NMT1: variants seen among roughly 807,000 people sequenced by gnomAD.
The protein encoded by NMT1 is glycylpeptide N-tetradecanoyltransferase 1.
A neutral mutation model predicts 63.4 loss-of-function variants in NMT1; 12 were observed. The ratio of observed to expected loss-of-function variants is 0.19; its 90% confidence interval spans 0.12 to 0.31. The LOEUF (loss-of-function observed/expected upper bound fraction) is 0.31. Among genes scored for constraint, NMT1 ranks in the 10% least tolerant of loss-of-function variants. The pLI is 1.00. For missense variants in NMT1, 432 were observed against 634.6 expected (o/e 0.68, Z 3.43); for synonymous variants, 228 against 234.3 (o/e 0.97, Z 0.25).
chr17:45,085,359 AG>A (rs1164421062), intron 2 of NMT1, among the ~76,000 whole-genome samples: 6 of 152,242 alleles, frequency 3.9e-5, no homozygotes, highest in Admixed American at 2.0e-4. Flanking sequence ...CCATACATAC[AG>A]TGGACTTGGT....
In NMT1 at chr17:45,101,341, T is replaced by C. The variant is rs116302781; in HGVS notation, c.994-1610T>C. 4.6e-3 allele frequency among the ~76,000 whole-genome samples: 678 copies of C among 147,664 alleles called. 5 individuals are homozygous for C. Among genetic ancestry groups the C allele is most frequent in the African/African-American group, 0.015 (619 of 40,314 alleles). On this transcript the variant is annotated intron_variant, in intron 8 of 11. Transcript: ENST00000258960. ...CCCAGTAGGGATTCTTAAAATCCCT[T>C]CTCAGGTGGGCGGTGGCTCACGCCT...
At position 45,086,512 on chromosome 17, in the gene NMT1, A is replaced by C. The variant is rs367954716; in HGVS notation, c.245A>C (p.Asn82Thr). 6.2e-7 allele frequency: 1 copy of C among 1,606,570 alleles called. No homozygotes were observed. The highest frequency in any genetic ancestry group is 2.3e-5 in the East Asian group (1 of 44,312). ...CCCCAACTTTGTCTTGTCCAGATGA[A>C]CTCTTTGCCAGCAGAGAGGATCCAG... ...DSAQDQPVKM[N>T]SLPAERIQEI... The change falls in exon 3 of 12, where the codon AAC (asparagine) becomes ACC (threonine). Residue 82 changes from asparagine to threonine, a missense_variant. Physicochemically the swap from Asn to Thr is moderately conservative, Grantham distance 65. Transcript: ENST00000258960.
At chr17:45,096,669 G>A (rs973515726) in intron 5 of NMT1, among the ~76,000 whole-genome samples, 2 of 152,176 alleles carry the variant, frequency 1.3e-5, no homozygotes, top group Non-Finnish European at 2.9e-5. Context: ...ACCTGCCCAG[G>A]CCACGTTTAA....
intron 7 of NMT1, 101 bp downstream of exon 7, chr17:45,098,653 C>A: frequency 8.9e-7 from 1 of 1,123,114 alleles, no homozygotes; most frequent in Non-Finnish European, 1.3e-6. Context: ...TAGCATCCCA[C>A]CTCTGGCGTA....
chr17:45,065,636 A>AAG (rs1219262189), intron 1 of NMT1, among the ~76,000 whole-genome samples: 2 of 151,058 alleles, frequency 1.3e-5, no homozygotes, highest in Non-Finnish European at 3.0e-5. Context: ...AAAAAAAAAA[A>AAG]AAAAAAAAGA....
chr17:45,084,598 G>A (rs1228468383), intron 2 of NMT1, among the ~76,000 whole-genome samples: 1 of 151,780 alleles, frequency 6.6e-6, no homozygotes, highest in Non-Finnish European at 1.5e-5. Context: ...CTCCCAAAGT[G>A]CTAGGATTAC....
At chr17:45,099,202 T>C (rs995456464) in intron 7 of NMT1, among the ~76,000 whole-genome samples, 1 of 151,886 alleles carries the variant, frequency 6.6e-6, no homozygotes, top group Non-Finnish European at 1.5e-5. Flanking sequence ...GCAAGAAAAA[T>C]AGGGAGAAAG....
In NMT1 at chr17:45,091,187, G is replaced by GACACACACACACACACACAC. The variant is rs3062356; in HGVS notation, c.386-2467_386-2448dup. ...ATATTTCCTCTGAGAGGTCTTTCCT[G>GACACACACACACACACACAC]ACACACACACACACACACACACACA... On this transcript the variant is annotated intron_variant, in intron 3 of 11. Transcript: ENST00000258960. Among the ~76,000 whole-genome samples, 278 of 121,042 alleles carry GACACACACACACACACACAC rather than the reference G, an allele frequency of 2.3e-3. 4 individuals carry two copies. The highest frequency in any genetic ancestry group is 5.1e-3 in the East Asian group (20 of 3,890). The allele number at this position is 121,042 out of a possible 152,430, so 79.4% of individuals were successfully genotyped here. A position where few individuals can be genotyped will look rare whatever the true frequency, so the allele number is the denominator to read the frequency against.
chr17:45,095,396 C>G (rs1459993761), intron 4 of NMT1, among the ~76,000 whole-genome samples: 2 of 152,198 alleles, frequency 1.3e-5, no homozygotes, highest in Non-Finnish European at 2.9e-5. Flanking sequence ...GCTTGAGCCA[C>G]CACACCGGGC....
intron 1 of NMT1, among the ~76,000 whole-genome samples, chr17:45,074,438 C>T (rs1038161186): frequency 6.6e-6 from 1 of 152,066 alleles, no homozygotes; most frequent in Admixed American, 6.6e-5. Context: ...CCAGGATGGT[C>T]GCGATCTCCT....
intron 8 of NMT1, 90 bp downstream of exon 8, chr17:45,099,603 G>C (rs1436791603): frequency 2.2e-6 from 2 of 911,958 alleles, no homozygotes; most frequent in East Asian, 4.9e-5. Flanking sequence ...TGGGTGGAGA[G>C]GGAGCTTTCT....
chr17:45,090,207 C>G (rs2054079235), intron 3 of NMT1, among the ~76,000 whole-genome samples: 1 of 152,090 alleles, frequency 6.6e-6, no homozygotes, highest in Non-Finnish European at 1.5e-5. Context: ...TCGTTTGAGT[C>G]CTGGAGGTCG....
At chr17:45,094,483 ACT>A in intron 4 of NMT1, among the ~76,000 whole-genome samples, 1 of 141,562 alleles carries the variant, frequency 7.1e-6, no homozygotes, top group South Asian at 2.3e-4. Flanking sequence ...ACAGTGCGAG[ACT>A]CTTTGTCTCA....
chr17:45,085,810 C>T (rs1318749023), intron 2 of NMT1, among the ~76,000 whole-genome samples: 2 of 151,004 alleles, frequency 1.3e-5, no homozygotes, highest in South Asian at 4.2e-4. Flanking sequence ...TGAATTGTAC[C>T]CTTTAACTCT....
rs1446593158 is a variant in NMT1, at chr17:45,097,256, C to T, written c.713+12C>T. On this transcript the variant is annotated intron_variant, in intron 6 of 11. Coordinates refer to ENST00000258960, the MANE Select transcript of NMT1 (RefSeq NM_021079.5). ...CATATCTATGACACGTAAGCACCTG[C>T]ACCTACCCCCACCCCCCACAACACC... is the stretch of plus-strand genomic sequence containing the variant. 8 of 1,558,754 alleles carry T rather than the reference C, an allele frequency of 5.1e-6. No individual in the cohort carries two copies. Among genetic ancestry groups the T allele is most frequent in the Middle Eastern group, 1.7e-4 (1 of 5,960 alleles).
chr17:45,074,004 T>G (rs1039296974), intron 1 of NMT1, among the ~76,000 whole-genome samples: 2 of 152,134 alleles, frequency 1.3e-5, no homozygotes, highest in African/African-American at 4.8e-5. Flanking sequence ...TCGCTGCTCC[T>G]GTTGTCTAGA....
Position 45,102,938 on chromosome 17 carries a change from G to C in NMT1, c.994-13G>C. Reference sequence around the variant, plus strand: ...CAGCTCATCTCACTCCATCTCTTCTGTCTTGCCTCCAGACTCCCAAGACAG... The same window carrying C: ...CAGCTCATCTCACTCCATCTCTTCTCTCTTGCCTCCAGACTCCCAAGACAG... On this transcript the variant is annotated splice_polypyrimidine_tract_variant and intron_variant, in intron 8 of 11. Transcript: ENST00000258960. The C allele has an allele frequency of 6.2e-7, 1 of 1,603,564 alleles. No individual in the cohort carries two copies. The highest frequency in any genetic ancestry group is 8.5e-7 in the Non-Finnish European group (1 of 1,172,046).
At chr17:45,095,402 C>T (rs970803398) in intron 4 of NMT1, among the ~76,000 whole-genome samples, 5 of 152,168 alleles carry the variant, frequency 3.3e-5, no homozygotes, top group Admixed American at 6.5e-5. Context: ...GCCACCACAC[C>T]GGGCCAACAG....
intron 8 of NMT1, among the ~76,000 whole-genome samples, chr17:45,100,898 A>G (rs967285908): frequency 5.9e-5 from 7 of 118,962 alleles, no homozygotes; most frequent in Non-Finnish European, 1.2e-4. Context: ...AAAAAAAAAG[A>G]AGGCCAGGCG....
Sources: gnomAD v4.1 joint callset for allele counts (sites outside exome capture counted in the v4.1 genomes callset) on GRCh38, gnomAD v4.1.1 for gene constraint, MANE v1.5 for transcripts, NCBI Gene and HGNC (gene_info 2026-07-23, HGNC 2026-07-21) for gene names.